The following WNT3 variants were observed in gnomAD, a reference collection of about 807,000 sequenced individuals.
WNT3 encodes proto-oncogene Wnt-3.
Under a neutral mutation model 34.2 loss-of-function variants are expected in WNT3, and 7 were observed. The observed-to-expected ratio is 0.20, with a 90% CI of 0.12 to 0.38. The LOEUF (loss-of-function observed/expected upper bound fraction) is 0.38, where lower values mean the gene tolerates loss of function less well. Ranked by LOEUF, WNT3 falls within the 10% of genes least tolerant of loss-of-function variation. WNT3 has a pLI of 1.00. For missense variants in WNT3, 267 were observed against 499.8 expected (o/e 0.53, Z 4.44); for synonymous variants, 212 against 211.5 (o/e 1.00, Z -0.02).
chr17:46,791,423 T>C (rs536901527), intron 1 of WNT3, among the ~76,000 whole-genome samples: 2 of 152,048 alleles, frequency 1.3e-5, no homozygotes, highest in African/African-American at 4.8e-5. Context: ...GCCAGGCTGG[T>C]CTCAAACTCC....
chr17:46,795,913 C>T (rs1056080220), intron 1 of WNT3, among the ~76,000 whole-genome samples: 2 of 152,146 alleles, frequency 1.3e-5, no homozygotes, highest in Non-Finnish European at 2.9e-5. Context: ...CGCACACACA[C>T]GTGTGCACAC....
At chr17:46,771,752 C>T (rs2059373648) in intron 2 of WNT3, among the ~76,000 whole-genome samples, 1 of 51,858 alleles carries the variant, frequency 1.9e-5, no homozygotes, top group Non-Finnish European at 3.9e-5. Context: ...GAAGCGGCGC[C>T]CCCCGCCCCC....
chr17:46,791,494 A>G (rs1224452960), intron 1 of WNT3, among the ~76,000 whole-genome samples: 1 of 152,108 alleles, frequency 6.6e-6, no homozygotes, highest in Non-Finnish European at 1.5e-5. Flanking sequence ...GACGTGAGCC[A>G]CCACGCCCGG....
At position 46,803,500 on chromosome 17, in the gene WNT3, A is replaced by G. The variant is rs538521843; in HGVS notation, c.80+15018T>C. ...AGTGAGATCGTGTCACTGCAATCCA[A>G]CCTGGGCAACAGTGCAAGACTATGT... On this transcript the variant is annotated intron_variant, in intron 1 of 4. Transcript: ENST00000225512. Among the ~76,000 whole-genome samples, 8 of 152,316 alleles carry G rather than the reference A, an allele frequency of 5.3e-5. No individual in the cohort carries two copies. The East Asian group carries it at 1.4e-3, about 26-fold the overall frequency.
At chr17:46,783,690 T>C (rs73304525) in intron 1 of WNT3, among the ~76,000 whole-genome samples, 1,973 of 152,240 alleles carry the variant, frequency 0.013, 44 homozygotes, top group African/African-American at 0.046. Context: ...TCACTGCCTC[T>C]GGAGGGCTCC....
chr17:46,798,978 G>A (rs1180476257), intron 1 of WNT3, among the ~76,000 whole-genome samples: 1 of 151,082 alleles, frequency 6.6e-6, no homozygotes, highest in African/African-American at 2.4e-5. Context: ...AGCCTGTGAG[G>A]CGGAGGTTAC....
intron 1 of WNT3, among the ~76,000 whole-genome samples, chr17:46,774,794 C>A (rs933279516): frequency 6.6e-6 from 1 of 152,220 alleles, no homozygotes; most frequent in African/African-American, 2.4e-5. Flanking sequence ...GGAATTACGA[C>A]TTTTCCGTTC....
intron 1 of WNT3, among the ~76,000 whole-genome samples, chr17:46,815,630 A>T (rs1482357965): frequency 6.6e-6 from 1 of 152,136 alleles, no homozygotes; most frequent in Non-Finnish European, 1.5e-5. Flanking sequence ...CCTAACCCTG[A>T]GAAGGTGACT....
chr17:46,792,264 A>T (rs1205338837), intron 1 of WNT3, among the ~76,000 whole-genome samples: 1 of 152,210 alleles, frequency 6.6e-6, no homozygotes, highest in African/African-American at 2.4e-5. Context: ...AGGGGGGATG[A>T]CGTCATGGAG....
chr17:46,786,627 G>A (rs2059508716), intron 1 of WNT3, among the ~76,000 whole-genome samples: 1 of 152,218 alleles, frequency 6.6e-6, no homozygotes, highest in Non-Finnish European at 1.5e-5. Flanking sequence ...AGGACTCCCA[G>A]GTAAAGCCCA....
intron 1 of WNT3, among the ~76,000 whole-genome samples, chr17:46,810,485 G>A (rs1052763916): frequency 6.6e-6 from 1 of 152,190 alleles, no homozygotes; most frequent in Admixed American, 6.5e-5. Flanking sequence ...ACTGGTCACG[G>A]GGCATGCCCA....
chr17:46,808,023 G>A (rs756242053), intron 1 of WNT3, among the ~76,000 whole-genome samples: 1 of 152,234 alleles, frequency 6.6e-6, no homozygotes, highest in Non-Finnish European at 1.5e-5. Context: ...CTGCCCAGCT[G>A]CTTTCTAGCA....
intron 2 of WNT3, among the ~76,000 whole-genome samples, 173 bp from the exon 3 acceptor site, chr17:46,770,221 C>A (rs923910543): frequency 5.3e-5 from 8 of 152,204 alleles, no homozygotes; most frequent in African/African-American, 1.9e-4. Context: ...TGGTTTAGAC[C>A]CAGTTGGGTA....
intron 1 of WNT3, among the ~76,000 whole-genome samples, chr17:46,801,657 A>T (rs1298977360): frequency 6.7e-6 from 1 of 148,612 alleles, no homozygotes; most frequent in Non-Finnish European, 1.5e-5. Context: ...AAATTAAATT[A>T]AATTAAAATA....
chr17:46,816,395 T>G (rs1244554751), intron 1 of WNT3, among the ~76,000 whole-genome samples: 2 of 151,056 alleles, frequency 1.3e-5, no homozygotes, highest in Non-Finnish European at 2.9e-5. Flanking sequence ...GTAGCCCAGT[T>G]GCAGGCACAA....
At chr17:46,765,981 G>A (rs888624495) in intron 4 of WNT3, among the ~76,000 whole-genome samples, 51 of 152,352 alleles carry the variant, frequency 3.3e-4, no homozygotes, top group African/African-American at 1.2e-3. Context: ...AGCTTCCACA[G>A]AGAAGGGGTT....
At chr17:46,799,894 G>T (rs2084102165) in intron 1 of WNT3, among the ~76,000 whole-genome samples, 1 of 152,122 alleles carries the variant, frequency 6.6e-6, no homozygotes, top group Non-Finnish European at 1.5e-5. Context: ...GGACATCTGG[G>T]ATTTGCACCA....
chr17:46,768,207 G>A lies in WNT3; in HGVS notation c.*8+105C>T, dbSNP rs1423165010. The A allele has an allele frequency of 1.3e-6, 2 of 1,526,204 alleles. No individual in the cohort carries two copies. Among genetic ancestry groups the A allele is most frequent in the East Asian group, 2.4e-5 (1 of 42,498 alleles). 94.5% of individuals were successfully genotyped at this position (1,526,204 alleles called of 1,614,324 possible). ...TGGCTGTGGGAACTTGTGTGTCTTG[G>A]ATAGCTTAGAAACAGAAGGGGGTCG... On this transcript the variant is annotated intron_variant, in intron 4 of 4. Coordinates refer to ENST00000225512, the MANE Select transcript of WNT3 (RefSeq NM_030753.5). This position sits in a 1 kb window ranked among gnomAD's most constrained non-coding sequence, Gnocchi z 5.0.
chr17:46,789,412 C>T (rs2083951336), intron 1 of WNT3, among the ~76,000 whole-genome samples: 1 of 152,188 alleles, frequency 6.6e-6, no homozygotes, highest in African/African-American at 2.4e-5. Context: ...GGCTCCAACA[C>T]CAGCGTGGCA....
Sources: allele counts gnomAD v4.1 joint callset (sites outside exome capture counted in the v4.1 genomes callset), GRCh38; gene constraint gnomAD v4.1.1; non-coding constraint Gnocchi (gnomAD v3.1); transcripts MANE v1.5; gene names NCBI Gene and HGNC (gene_info 2026-07-23, HGNC 2026-07-21).